NT5M: variants seen among roughly 807,000 people sequenced by gnomAD.
NT5M encodes the protein 5'(3')-deoxyribonucleotidase, mitochondrial.
A neutral mutation model predicts 22.2 loss-of-function variants in NT5M; 22 were observed. The ratio of observed to expected loss-of-function variants is 0.99; its 90% CI spans 0.71 to 1.41. NT5M has a LOEUF of 1.41. Among genes scored for constraint, NT5M ranks in the 40% most tolerant of loss-of-function variants. The pLI is 0.00. For synonymous variants in NT5M, 167 were observed against 133.0 expected (o/e 1.26, Z -1.76); for missense variants, 322 against 314.8 (o/e 1.02, Z -0.17).
In NT5M at chr17:17,314,424, C is replaced by T. The variant is rs975124701; in HGVS notation, c.368+7781C>T. Among the ~76,000 whole-genome samples the T allele has an allele frequency of 2.0e-5, 3 of 152,248 alleles. No homozygotes were observed. In the South Asian group the frequency reaches 6.2e-4, roughly 32 times the overall value. Reference sequence around the variant, plus strand: ...CTCCCTGCATATACCCACCTTGGCCCACTCTTCTTGCTCTAGTTAAGAATT... The same window carrying T: ...CTCCCTGCATATACCCACCTTGGCCTACTCTTCTTGCTCTAGTTAAGAATT... On this transcript the variant is annotated intron_variant, in intron 2 of 4. Transcript: ENST00000389022.
intron 3 of NT5M, 126 bp from the exon 4 acceptor site, chr17:17,344,668 T>G: frequency 8.6e-7 from 1 of 1,168,368 alleles, no homozygotes. Flanking sequence ...GGCCTTGGTG[T>G]CAGGCCTCCA....
At chr17:17,333,110 T>A (rs1419132732) in intron 3 of NT5M, among the ~76,000 whole-genome samples, 2 of 152,162 alleles carry the variant, frequency 1.3e-5, no homozygotes, top group East Asian at 3.8e-4. Flanking sequence ...ATTAATGACA[T>A]TGGACATGTT....
At chr17:17,326,691 G>A (rs2049274221) in intron 3 of NT5M, among the ~76,000 whole-genome samples, 1 of 152,170 alleles carries the variant, frequency 6.6e-6, no homozygotes, top group Non-Finnish European at 1.5e-5. Flanking sequence ...CCCACACCCA[G>A]CCCTGGGTGC....
intron 2 of NT5M, among the ~76,000 whole-genome samples, chr17:17,315,062 A>T (rs545890008): frequency 1.3e-5 from 2 of 152,316 alleles, no homozygotes; most frequent in East Asian, 3.9e-4. Flanking sequence ...TGCCTGGCAC[A>T]TCACACACTC....
chr17:17,322,775 A>G (rs1254819259), intron 2 of NT5M, among the ~76,000 whole-genome samples: 5 of 152,032 alleles, frequency 3.3e-5, no homozygotes, highest in Non-Finnish European at 7.4e-5. Context: ...ACGCGGAGCC[A>G]AGCCAAGCCA....
chr17:17,340,923 A>G (rs2049630156), intron 3 of NT5M, among the ~76,000 whole-genome samples: 1 of 151,806 alleles, frequency 6.6e-6, no homozygotes, highest in South Asian at 2.1e-4. Context: ...GCCCCCACAG[A>G]AGCATTTTCT....
Position 17,336,366 on chromosome 17 carries a change from C to T in NT5M, c.430-8428C>T, listed in dbSNP as rs117821302. Among the ~76,000 whole-genome samples the T allele has an allele frequency of 1.4e-3, 211 of 152,084 alleles. 1 individual carries two copies. In the East Asian group the frequency reaches 0.016, roughly 12 times the overall value. The stretch of plus-strand genomic sequence containing the variant: ...TTTCCTTCTAGATACTCCTCCACTC[C>T]CCCTTCCCAGCCTCTACTAACCATC... On this transcript the variant is annotated intron_variant, in intron 3 of 4. Coordinates refer to ENST00000389022, the MANE Select transcript of NT5M (RefSeq NM_020201.4).
Position 17,344,900 on chromosome 17 carries a change from A to G in NT5M, c.536A>G (p.Asp179Gly), listed in dbSNP as rs140147273. The G allele has an allele frequency of 7.1e-5, 115 of 1,614,060 alleles. 1 individual carries two copies. In the African/African-American group the frequency reaches 1.3e-3, roughly 19 times the overall value. The change falls in exon 4 of 5, where the codon GAC (aspartate) becomes GGC (glycine). Residue 179 changes from aspartate to glycine, a missense_variant. Coordinates refer to ENST00000389022, the MANE Select transcript of NT5M (RefSeq NM_020201.4). The part of the protein sequence containing the change: ...SADLLIDDRP[D>G]ITGAEPTPSW... ...GACCTTCTCATAGACGACCGGCCGG[A>G]CATCACAGGCAAGTGGCCTGCGACA...
At chr17:17,312,400 G>A (rs1202070273) in intron 2 of NT5M, among the ~76,000 whole-genome samples, 2 of 152,112 alleles carry the variant, frequency 1.3e-5, no homozygotes, top group Non-Finnish European at 2.9e-5. Flanking sequence ...CCAGCACTTT[G>A]GGAGGCCAAG....
chr17:17,316,470 G>A (rs1163655606), intron 2 of NT5M, among the ~76,000 whole-genome samples: 1 of 151,818 alleles, frequency 6.6e-6, no homozygotes, highest in Admixed American at 6.6e-5. Flanking sequence ...TTGCCTCCCG[G>A]GTTCAAGTGA....
intron 2 of NT5M, among the ~76,000 whole-genome samples, chr17:17,317,850 C>A (rs1365985199): frequency 6.6e-6 from 1 of 151,252 alleles, no homozygotes; most frequent in Non-Finnish European, 1.5e-5. Flanking sequence ...GTAATCCCAG[C>A]TCTTGGGAGA....
chr17:17,320,557 G>A (rs559552077), intron 2 of NT5M, among the ~76,000 whole-genome samples: 20 of 152,294 alleles, frequency 1.3e-4, no homozygotes, highest in South Asian at 2.1e-4. Flanking sequence ...GGGAAGACTC[G>A]GGGAGAGACA....
At chr17:17,305,413 C>CCCCCCCCT (rs1567877233) in intron 1 of NT5M, among the ~76,000 whole-genome samples, 7 of 124,976 alleles carry the variant, frequency 5.6e-5, no homozygotes, top group Non-Finnish European at 8.8e-5. Flanking sequence ...CCCCCGCCCC[C>CCCCCCCCT]ACACACGTGG....
At chr17:17,308,533 A>G (rs1318913646) in intron 2 of NT5M, among the ~76,000 whole-genome samples, 1 of 152,074 alleles carries the variant, frequency 6.6e-6, no homozygotes, top group African/African-American at 2.4e-5. Context: ...CGGAGGTTGC[A>G]GTGAGCCAAG....
intron 1 of NT5M, 150 bp from the exon 2 acceptor site, chr17:17,306,393 C>T (rs1250261236): frequency 4.4e-6 from 3 of 681,548 alleles, no homozygotes; most frequent in Non-Finnish European, 7.9e-6. Flanking sequence ...ACTCTCCGCA[C>T]TACCCCCAGG....
intron 3 of NT5M, among the ~76,000 whole-genome samples, chr17:17,335,002 T>A (rs2049474871): frequency 6.6e-6 from 1 of 152,170 alleles, no homozygotes; most frequent in Non-Finnish European, 1.5e-5. Flanking sequence ...ACATCCTCAT[T>A]TATGTAGGCC....
chr17:17,330,023 G>A, intron 3 of NT5M, among the ~76,000 whole-genome samples: 1 of 151,966 alleles, frequency 6.6e-6, no homozygotes, highest in East Asian at 1.9e-4. Context: ...ACTCCTGGCT[G>A]GGCGTGGTGG....
At chr17:17,306,442 A>G in intron 1 of NT5M, 101 bp from the exon 2 acceptor site, 1 of 785,246 alleles carries the variant, frequency 1.3e-6, no homozygotes, top group South Asian at 1.5e-5. Flanking sequence ...GAGTGAGAGG[A>G]ATGAAGAACC....
At position 17,346,962 on chromosome 17, in the gene NT5M, C is replaced by G. The variant is rs752604043; in HGVS notation, c.*15C>G. 3.3e-5 allele frequency: 53 copies of G among 1,609,848 alleles called. No homozygotes were observed. The highest frequency in any genetic ancestry group is 4.3e-5 in the Non-Finnish European group (51 of 1,179,724). ...GGCCCTGCTGAGCTGGACTGTGCTT[C>G]GGGCTCCTCTGTGGGGCTCTGACCT... On this transcript the variant is annotated 3_prime_UTR_variant, in exon 5 of 5. Transcript: ENST00000389022.
Sources: allele counts gnomAD v4.1 joint callset (sites outside exome capture counted in the v4.1 genomes callset), GRCh38; gene constraint gnomAD v4.1.1; transcripts MANE v1.5; gene names NCBI Gene and HGNC (gene_info 2026-07-23, HGNC 2026-07-21).